TDP1: variants seen among roughly 807,000 people sequenced by gnomAD.
The protein encoded by TDP1 is tyr-DNA phosphodiesterase 1.
A neutral mutation model predicts 81.5 loss-of-function variants in TDP1; 64 were observed. The observed-to-expected ratio is 0.79, with a 90% CI of 0.64 to 0.97. The LOEUF (loss-of-function observed/expected upper bound fraction) is 0.97, where lower values mean the gene tolerates loss of function less well. TDP1 is among the 50% of genes least tolerant of loss of function. The pLI is 0.00. For missense variants in TDP1, 723 were observed against 743.8 expected, an observed-to-expected ratio of 0.97 and a Z score of 0.33; for synonymous variants, 256 against 264.3, an observed-to-expected ratio of 0.97 and a Z score of 0.30.
rs574973994 is a variant in TDP1 at position 90,026,969 on chromosome 14, A to G, written c.1645-6137A>G. On this transcript the variant is annotated intron_variant, in intron 15 of 16. Coordinates refer to ENST00000335725, the MANE Select transcript of TDP1 (RefSeq NM_018319.4). ...GCATGATTTACAATCCTTTGGGTATATACCCAGTAATGGGTTGGCTGGGTC... is the reference window on the plus strand; with the variant it reads ...GCATGATTTACAATCCTTTGGGTATGTACCCAGTAATGGGTTGGCTGGGTC... Among the ~76,000 whole-genome samples the G allele has an allele frequency of 6.6e-5, 10 of 152,318 alleles. No individual in the cohort carries two copies. The South Asian group carries it at 1.9e-3, about 28-fold the overall frequency.
At chr14:89,964,395 T>C (rs1892692596) in intron 3 of TDP1, among the ~76,000 whole-genome samples, 1 of 152,216 alleles carries the variant, frequency 6.6e-6, no homozygotes. Flanking sequence ...GACCTAACAT[T>C]CTCTGAATTT....
intron 16 of TDP1, among the ~76,000 whole-genome samples, chr14:90,041,292 G>A (rs1467354156): frequency 1.3e-5 from 2 of 152,166 alleles, no homozygotes; most frequent in African/African-American, 4.8e-5. Context: ...CAGACCCTCA[G>A]CCTCTTAGGA....
chr14:89,971,980 A>G (rs1423929905), intron 6 of TDP1, among the ~76,000 whole-genome samples: 1 of 152,152 alleles, frequency 6.6e-6, no homozygotes, highest in Non-Finnish European at 1.5e-5. Context: ...AACTGTTAGG[A>G]AACTATGTGA....
At chr14:89,965,468 C>G (rs1193106405) in intron 3 of TDP1, among the ~76,000 whole-genome samples, 1 of 152,124 alleles carries the variant, frequency 6.6e-6, no homozygotes. Flanking sequence ...TGGGAAGTGC[C>G]AAGAGTGCTG....
chr14:90,025,391 T>C (rs1886535583), intron 15 of TDP1, among the ~76,000 whole-genome samples: 1 of 152,168 alleles, frequency 6.6e-6, no homozygotes, highest in Non-Finnish European at 1.5e-5. Context: ...GTTCCTATTT[T>C]TTTTCTTGTT....
intron 16 of TDP1, among the ~76,000 whole-genome samples, chr14:90,037,478 A>G (rs1887934471): frequency 6.6e-6 from 1 of 152,234 alleles, no homozygotes; most frequent in Admixed American, 6.5e-5. Context: ...TTATTTTAAA[A>G]AAATACACAT....
intron 15 of TDP1, among the ~76,000 whole-genome samples, chr14:90,026,705 T>C (rs1332554287): frequency 2.0e-5 from 3 of 151,748 alleles, no homozygotes; most frequent in East Asian, 3.9e-4. Context: ...TGAGAACATG[T>C]GGTGTTTGGT....
chr14:89,959,456 G>A (rs192809110), intron 2 of TDP1, among the ~76,000 whole-genome samples: 9 of 152,298 alleles, frequency 5.9e-5, no homozygotes, highest in Admixed American at 2.0e-4. Flanking sequence ...CCAACTGGGC[G>A]GGAGCCTTGA....
At position 89,997,357 on chromosome 14, in the gene TDP1, T is replaced by C. The variant is rs35754155; in HGVS notation, c.1541+3874T>C. ...ACTGCCTAGACTGCATAATGGAACA[T>C]GGGAGGGCCCTCAAAGGTGATTCCT... On this transcript the variant is annotated intron_variant, in intron 14 of 16. Coordinates refer to ENST00000335725, the MANE Select transcript of TDP1 (RefSeq NM_018319.4). 4.5e-3 allele frequency among the ~76,000 whole-genome samples: 686 copies of C among 152,226 alleles called. 10 individuals are homozygous for C. Among genetic ancestry groups the C allele is most frequent in the African/African-American group, 0.016 (668 of 41,524 alleles).
intron 14 of TDP1, among the ~76,000 whole-genome samples, chr14:90,003,023 C>T (rs187798899): frequency 5.3e-5 from 8 of 152,240 alleles, no homozygotes; most frequent in Middle Eastern, 3.4e-3. Flanking sequence ...CTGCAACCTC[C>T]GCCTCCCGGG....
Position 90,012,514 on chromosome 14 carries a change from C to T in TDP1, c.1542-6802C>T, listed in dbSNP as rs1884826195. On this transcript the variant is annotated intron_variant, in intron 14 of 16. Transcript: ENST00000335725. ...TGGAGCAAACTTTTGCCTGGACATC[C>T]AGGCGTTTCTATACATCCTCTGAAA... Among the ~76,000 whole-genome samples the T allele has an allele frequency of 2.0e-5, 3 of 151,942 alleles. No individual in the cohort carries two copies. The South Asian group carries it at 6.2e-4, about 31-fold the overall frequency.
chr14:90,018,809 T>C (rs1305613311), intron 14 of TDP1: 1 of 182,012 alleles, frequency 5.5e-6, no homozygotes, highest in Non-Finnish European at 1.0e-5. Context: ...ATGTACCATT[T>C]ATCTCTAGAT....
At chr14:90,032,945 G>A (rs185046943) in intron 15 of TDP1, 161 bp from the exon 16 acceptor site, 1 of 733,158 alleles carries the variant, frequency 1.4e-6, no homozygotes, top group Non-Finnish European at 1.7e-6. Flanking sequence ...GGGCGGGGGG[G>A]TTGTAAATAT....
chr14:89,986,076 C>T (rs2140102901), intron 10 of TDP1, among the ~76,000 whole-genome samples: 1 of 152,378 alleles, frequency 6.6e-6, no homozygotes, highest in Middle Eastern at 3.4e-3. Flanking sequence ...GCCTTAACCT[C>T]TTATTCCATA....
intron 14 of TDP1, among the ~76,000 whole-genome samples, chr14:89,996,767 A>G (rs551686909): frequency 2.6e-5 from 4 of 152,348 alleles, no homozygotes; most frequent in Admixed American, 1.3e-4. Flanking sequence ...AGAAAGGGGC[A>G]GGGGAGAGAA....
intron 12 of TDP1, among the ~76,000 whole-genome samples, chr14:89,990,507 C>A (rs1490600576): frequency 6.9e-6 from 1 of 145,256 alleles, no homozygotes; most frequent in East Asian, 2.0e-4. Flanking sequence ...TAAGAAAAAT[C>A]TGCCAGGAAA....
chr14:89,981,576 G>C, intron 8 of TDP1: 1 of 434,600 alleles, frequency 2.3e-6, no homozygotes. Context: ...CGTTTTCTCT[G>C]TCATCCTCCT....
chr14:90,004,904 G>C (rs549378907), intron 14 of TDP1, among the ~76,000 whole-genome samples: 1 of 152,310 alleles, frequency 6.6e-6, no homozygotes, highest in South Asian at 2.1e-4. Flanking sequence ...TGCCCCTCCA[G>C]CTATCTCAGG....
At chr14:89,976,527 CTTTTTTTTT>C (rs35744477) in intron 7 of TDP1, among the ~76,000 whole-genome samples, 14 of 88,750 alleles carry the variant, frequency 1.6e-4, no homozygotes, top group African/African-American at 6.0e-4. Flanking sequence ...CAACAGAGCT[CTTTTTTTTT>C]TTTTTTTTTT....
Sources: allele counts gnomAD v4.1 joint callset (sites outside exome capture counted in the v4.1 genomes callset), GRCh38; gene constraint gnomAD v4.1.1; transcripts MANE v1.5; gene names NCBI Gene and HGNC (gene_info 2026-07-23, HGNC 2026-07-21).